Variants in TMEM132D observed in about 807,000 individuals in gnomAD.
The protein encoded by TMEM132D is transmembrane protein 132D.
Under a neutral mutation model 62.3 loss-of-function variants are expected in TMEM132D, and 21 were observed. The ratio of observed to expected loss-of-function variants is 0.34; its 90% CI spans 0.24 to 0.49. TMEM132D has a LOEUF of 0.49. Ranked by LOEUF, TMEM132D falls within the 20% of genes least tolerant of loss-of-function variation. TMEM132D has a pLI of 0.99. For synonymous variants in TMEM132D, 621 were observed against 575.6 expected, an observed-to-expected ratio of 1.08 and a Z score of -1.13; for missense variants, 1,346 against 1,402.8, an observed-to-expected ratio of 0.96 and a Z score of 0.65.
chr12:129,659,513 G>A (rs573345819), intron 2 of TMEM132D, among the ~76,000 whole-genome samples: 17 of 152,110 alleles, frequency 1.1e-4, no homozygotes, highest in Non-Finnish European at 2.5e-4. Context: ...CTTCGATTGA[G>A]CATAAGAGAG....
At chr12:129,142,383 C>G (rs1332237472) in intron 5 of TMEM132D, among the ~76,000 whole-genome samples, 1 of 152,196 alleles carries the variant, frequency 6.6e-6, no homozygotes, top group Non-Finnish European at 1.5e-5. Context: ...AATGCATGGA[C>G]AGTCACAGCA....
intron 3 of TMEM132D, among the ~76,000 whole-genome samples, chr12:129,340,235 C>T (rs1243919361): frequency 1.3e-5 from 2 of 152,080 alleles, no homozygotes; most frequent in African/African-American, 4.8e-5. Context: ...GATGTAAAAG[C>T]AACAAGGTCT....
intron 2 of TMEM132D, among the ~76,000 whole-genome samples, chr12:129,652,678 G>A (rs943112306): frequency 3.9e-5 from 6 of 152,200 alleles, no homozygotes; most frequent in African/African-American, 1.4e-4. Flanking sequence ...AGAGACTCCA[G>A]AAAAAATGCA....
At chr12:129,800,805 G>A (rs558506373) in intron 1 of TMEM132D, among the ~76,000 whole-genome samples, 68 of 152,174 alleles carry the variant, frequency 4.5e-4, no homozygotes, top group African/African-American at 1.3e-3. Context: ...CTGAGGTACC[G>A]GGCTCATCTC....
intron 2 of TMEM132D, among the ~76,000 whole-genome samples, chr12:129,591,304 G>A (rs959593686): frequency 4.6e-5 from 7 of 152,076 alleles, no homozygotes; most frequent in Non-Finnish European, 7.4e-5. Flanking sequence ...CCCTTGTATC[G>A]GAGGATGGTG....
chr12:129,313,084 C>T (rs3912297), intron 4 of TMEM132D, among the ~76,000 whole-genome samples: 150,161 of 152,288 alleles, frequency 0.99, 74,064 homozygotes, highest in Middle Eastern at 1. Flanking sequence ...GACACACTAG[C>T]TTGAAATGCT....
chr12:129,313,863 C>T (rs982782792), intron 4 of TMEM132D, among the ~76,000 whole-genome samples: 4 of 152,108 alleles, frequency 2.6e-5, no homozygotes, highest in Non-Finnish European at 4.4e-5. Context: ...TGCATCCACA[C>T]CAACATGTAC....
rs549330974 is a variant in TMEM132D at position 129,630,033 on chromosome 12, T to C, written c.968+69777A>G. On this transcript the variant is annotated intron_variant, in intron 2 of 8. Coordinates refer to ENST00000422113, the MANE Select transcript of TMEM132D (RefSeq NM_133448.3). ...CATATCTGCTGGATGGCTGGTTCCATTGTTGTTGTTGTTAAATGGCATATG... is the reference window on the plus strand; with the variant it reads ...CATATCTGCTGGATGGCTGGTTCCACTGTTGTTGTTGTTAAATGGCATATG... 3.0e-4 allele frequency among the ~76,000 whole-genome samples: 45 copies of C among 152,336 alleles called. No homozygotes were observed. In the South Asian group the frequency reaches 4.3e-3, roughly 15 times the overall value.
intron 3 of TMEM132D, among the ~76,000 whole-genome samples, chr12:129,403,761 T>C (rs981371728): frequency 6.6e-6 from 1 of 152,034 alleles, no homozygotes; most frequent in Non-Finnish European, 1.5e-5. Context: ...TAGCAGTACA[T>C]GTATGAAGAA....
intron 5 of TMEM132D, among the ~76,000 whole-genome samples, chr12:129,095,986 G>A (rs1875103321): frequency 6.6e-6 from 1 of 152,166 alleles, no homozygotes; most frequent in African/African-American, 2.4e-5. Context: ...CCTGCATGGA[G>A]AGGAGGCTAG....
chr12:129,212,011 T>G (rs1224626649), intron 4 of TMEM132D: 1 of 152,088 alleles, frequency 6.6e-6, no homozygotes, highest in Non-Finnish European at 1.5e-5. Flanking sequence ...AGTGGAACAA[T>G]GCTGTTTAAC....
At chr12:129,369,651 G>A (rs1870534013) in intron 3 of TMEM132D, among the ~76,000 whole-genome samples, 2 of 152,222 alleles carry the variant, frequency 1.3e-5, no homozygotes, top group South Asian at 2.1e-4. Context: ...GATTTAAATA[G>A]TGGGGCTCTG....
At chr12:129,444,036 G>A (rs370792912) in intron 3 of TMEM132D, among the ~76,000 whole-genome samples, 20 of 152,230 alleles carry the variant, frequency 1.3e-4, no homozygotes, top group African/African-American at 4.8e-4. Flanking sequence ...AATAAATGAT[G>A]CTGGGATAAC....
intron 5 of TMEM132D, among the ~76,000 whole-genome samples, chr12:129,154,483 C>T (rs148716859): frequency 0.014 from 2,061 of 152,240 alleles, 52 homozygotes; most frequent in South Asian, 0.1. Context: ...CCCCTGCTTT[C>T]GGGGAATGTG....
chr12:129,336,906 G>A (rs1273226033), intron 4 of TMEM132D, among the ~76,000 whole-genome samples: 2 of 152,168 alleles, frequency 1.3e-5, no homozygotes, highest in Admixed American at 6.5e-5. Context: ...AAGACAAACG[G>A]CGTTGCCATT....
intron 4 of TMEM132D, among the ~76,000 whole-genome samples, chr12:129,317,733 C>T (rs778010103): frequency 9.9e-5 from 15 of 152,178 alleles, no homozygotes; most frequent in South Asian, 2.1e-4. Context: ...CCCCCAAATA[C>T]GTTTTCCAAG....
chr12:129,505,081 T>G (rs1875288734), intron 3 of TMEM132D, among the ~76,000 whole-genome samples: 1 of 152,154 alleles, frequency 6.6e-6, no homozygotes, highest in Non-Finnish European at 1.5e-5. Context: ...AGAGAGTGAT[T>G]GATATAATTT....
intron 5 of TMEM132D, among the ~76,000 whole-genome samples, chr12:129,107,845 C>A (rs1026702008): frequency 7.9e-6 from 1 of 125,868 alleles, no homozygotes; most frequent in African/African-American, 3.2e-5. Context: ...CACCACCACA[C>A]CTGGCTAATT....
chr12:129,521,645 C>A (rs74526120), intron 3 of TMEM132D: 1 of 152,182 alleles, frequency 6.6e-6, no homozygotes, highest in Non-Finnish European at 1.5e-5. Context: ...GAATCATCAA[C>A]GTGTCCCCTT....
Sources: gnomAD v4.1 joint callset for allele counts (sites outside exome capture counted in the v4.1 genomes callset) on GRCh38, gnomAD v4.1.1 for gene constraint, MANE v1.5 for transcripts, NCBI Gene and HGNC (gene_info 2026-07-23, HGNC 2026-07-21) for gene names.